SYNE2: variants seen among roughly 807,000 people sequenced by gnomAD.
The protein encoded by SYNE2 is nesprin-2.
SYNE2 carries 431 observed loss-of-function variants against 856.3 expected under a neutral mutation model. The ratio of observed to expected loss-of-function variants is 0.50; its 90% confidence interval spans 0.47 to 0.55. The LOEUF is 0.55. SYNE2 is among the 20% of genes least tolerant of loss of function. The pLI, the probability that SYNE2 is intolerant of heterozygous loss-of-function variation, is 0.00. For missense variants in SYNE2, 8,129 were observed against 8,023.2 expected, an observed-to-expected ratio of 1.01 and a Z score of -0.50; for synonymous variants, 2,923 against 2,872.3, an observed-to-expected ratio of 1.02 and a Z score of -0.56.
intron 1 of SYNE2, among the ~76,000 whole-genome samples, chr14:63,864,165 A>G (rs1453408213): frequency 6.6e-6 from 1 of 152,210 alleles, no homozygotes; most frequent in Non-Finnish European, 1.5e-5. Flanking sequence ...ATAGGTTACT[A>G]AGCTTGCTCT....
intron 104 of SYNE2, 88 bp downstream of exon 104, chr14:64,212,186 T>A (rs2098645162): frequency 1.3e-6 from 2 of 1,597,972 alleles, no homozygotes; most frequent in Middle Eastern, 2.2e-4. Flanking sequence ...CACGATACTC[T>A]GAGAGCAAAT....
chr14:64,063,299 C>T (rs557274314), intron 50 of SYNE2, among the ~76,000 whole-genome samples: 25 of 152,330 alleles, frequency 1.6e-4, no homozygotes, highest in African/African-American at 4.3e-4. Context: ...CCTCCAGCCT[C>T]GGCCTTTCAA....
chr14:63,850,245 CT>C (rs34763098), upstream of SYNE2, among the ~76,000 whole-genome samples: 9,323 of 112,486 alleles, frequency 0.083, 389 homozygotes, highest in African/African-American at 0.14. Context: ...CCACACCTAG[CT>C]TTTTTTTTTT....
At chr14:63,948,794 A>ATATATGTATATGTGTGTGTG (rs1566884813) in intron 6 of SYNE2, among the ~76,000 whole-genome samples, 3 of 80,844 alleles carry the variant, frequency 3.7e-5, no homozygotes, top group South Asian at 8.9e-4. Flanking sequence ...ATATATATAT[A>ATATATGTATATGTGTGTGTG]TATATATATA....
At chr14:63,848,216 C>A (rs1890295898), upstream of SYNE2, 1 of 152,152 alleles carries the variant, frequency 6.6e-6, no homozygotes, top group Admixed American at 6.6e-5. Context: ...GTAAACTTTA[C>A]CATATATCAT....
intron 1 of SYNE2, among the ~76,000 whole-genome samples, chr14:63,884,393 C>T (rs944486720): frequency 6.6e-5 from 10 of 152,126 alleles, no homozygotes; most frequent in Admixed American, 5.2e-4. Context: ...ACTCCTTGCA[C>T]GTCTGCTTGG....
At chr14:63,777,946 G>T (rs1887168595) in intron 1 of SYNE2, among the ~76,000 whole-genome samples, 2 of 152,120 alleles carry the variant, frequency 1.3e-5, no homozygotes, top group Non-Finnish European at 2.9e-5. Context: ...GGGATTACAG[G>T]CATGAATCAC....
chr14:64,096,025 A>G (rs909835445), intron 61 of SYNE2, among the ~76,000 whole-genome samples: 9 of 152,186 alleles, frequency 5.9e-5, no homozygotes, highest in Non-Finnish European at 1.3e-4. Context: ...AGGAAGATGT[A>G]GTCTTCAATG....
In SYNE2 at chr14:64,143,964, A is replaced by C; in HGVS notation, c.15483+16A>C. ...GAATAGAAAGGTGTGTTCCTGCGTCACAACTGGATGTGTGGTTTGACCTTT... is the reference window on the plus strand; with the variant it reads ...GAATAGAAAGGTGTGTTCCTGCGTCCCAACTGGATGTGTGGTTTGACCTTT... On this transcript the variant is annotated intron_variant, in intron 83 of 115. Coordinates refer to ENST00000555002, the MANE Select transcript of SYNE2 (RefSeq NM_182914.3). 6.2e-7 allele frequency: 1 copy of C among 1,614,070 alleles called. No individual in the cohort carries two copies. Among genetic ancestry groups the C allele is most frequent in the Non-Finnish European group, 8.5e-7 (1 of 1,179,924 alleles).
intron 11 of SYNE2, among the ~76,000 whole-genome samples, chr14:63,973,840 T>G (rs2096503463): frequency 6.6e-6 from 1 of 152,170 alleles, no homozygotes; most frequent in Non-Finnish European, 1.5e-5. Context: ...TTAAATATCT[T>G]TTAGATATTT....
chr14:64,102,041 A>G lies in SYNE2; in HGVS notation c.12491A>G (p.Gln4164Arg). The G allele has an allele frequency of 6.2e-7, 1 of 1,609,906 alleles. No individual in the cohort carries two copies. The highest frequency in any genetic ancestry group is 8.5e-7 in the Non-Finnish European group (1 of 1,176,194). The change falls in exon 64 of 116, where the codon CAG becomes CGG. Residue 4164 changes from glutamine to arginine, a missense_variant and splice_region_variant. By Grantham distance (43) the Gln-to-Arg change is conservative. This residue lies in a region of SYNE2 where 5,410 missense variants were observed against 5,284.8 expected (regional missense o/e 1.02). Transcript: ENST00000555002. ...RASSSSGTIV[Q>R]EAYGKISTSD... ...TCCTCATCCTCTGGAACAATTGTTC[A>G]GGTAATGCTGGGCGTATCAGCCACG...
intron 1 of SYNE2, among the ~76,000 whole-genome samples, chr14:63,794,261 C>A (rs913479990): frequency 6.6e-6 from 1 of 152,040 alleles, no homozygotes; most frequent in Non-Finnish European, 1.5e-5. Flanking sequence ...CATTCTCGTG[C>A]CCCAGGCTGG....
chr14:63,831,211 A>T (rs1595154293), intron 1 of SYNE2, among the ~76,000 whole-genome samples: 1 of 152,032 alleles, frequency 6.6e-6, no homozygotes, highest in African/African-American at 2.4e-5. Context: ...GTGTTTTTTC[A>T]GGAAGAGTTA....
At chr14:63,929,799 G>A (rs2095723261) in intron 2 of SYNE2, among the ~76,000 whole-genome samples, 1 of 151,048 alleles carries the variant, frequency 6.6e-6, no homozygotes, top group African/African-American at 2.4e-5. Context: ...TTTTTTCTCT[G>A]TAGAGATATT....
rs1555337807 is a variant in SYNE2 at position 63,781,668 on chromosome 14, C to CTCTATA, written c.-305+19683_-305+19684insCTATAT. Among the ~76,000 whole-genome samples the CTCTATA allele has an allele frequency of 5.6e-4, 84 of 149,694 alleles. 2 individuals carry two copies. The Middle Eastern group carries it at 0.01, about 18-fold the overall frequency. On this transcript the variant is annotated intron_variant, in intron 1 of 23. Transcript: ENST00000674003. ...GATGGACCTTAGGCCTTCTCTCTCT[C>CTCTATA]TATATATATATAAAGTTATATTTAT...
chr14:63,814,604 TATAG>T (rs1472302216), intron 1 of SYNE2, among the ~76,000 whole-genome samples: 1 of 137,500 alleles, frequency 7.3e-6, no homozygotes, highest in African/African-American at 2.6e-5. Context: ...TAGATCCTTA[TATAG>T]ATCCATATAT....
rs140438532 is a variant in SYNE2 at position 63,942,248 on chromosome 14, A to G, written c.408+105A>G. On this transcript the variant is annotated intron_variant, in intron 6 of 115. Coordinates refer to ENST00000555002, the MANE Select transcript of SYNE2 (RefSeq NM_182914.3). ...CTAGATTCAGTCCTGAGCTTCTCCT[A>G]TAAATAGGACCTCTGAAAATCTTGA... 1.5e-4 allele frequency: 111 copies of G among 751,356 alleles called. No individual in the cohort carries two copies. In the East Asian group the frequency reaches 2.6e-3, roughly 18 times the overall value. The allele number at this position is 751,356 out of a possible 1,614,324, so 46.5% of individuals were successfully genotyped here. A position where few individuals can be genotyped will look rare whatever the true frequency, so the allele number is the denominator to read the frequency against.
chr14:64,199,203 T>C (rs2098551572), intron 99 of SYNE2, among the ~76,000 whole-genome samples: 1 of 152,206 alleles, frequency 6.6e-6, no homozygotes, highest in African/African-American at 2.4e-5. Context: ...CTTCTGGTCA[T>C]GTTCTCTGAC....
Position 63,942,136 on chromosome 14 carries a change from A to G in SYNE2, c.401A>G (p.His134Arg). The change falls in exon 6 of 116, where the codon CAC becomes CGC. Residue 134 changes from histidine to arginine, a missense_variant. This residue lies in a region of SYNE2 where 2,422 missense variants were observed against 2,357.4 expected (regional missense o/e 1.03). Transcript: ENST00000555002. ...ILGLIWTIIL[H>R]FHIEKLAQTL... ...GGCCTAATTTGGACAATTATCCTGCACTTTCATGTAAGTAGTTTGATGATA... is the reference window on the plus strand; with the variant it reads ...GGCCTAATTTGGACAATTATCCTGCGCTTTCATGTAAGTAGTTTGATGATA... 6.3e-7 allele frequency: 1 copy of G among 1,575,382 alleles called. No individual in the cohort carries two copies. The highest frequency in any genetic ancestry group is 8.7e-7 in the Non-Finnish European group (1 of 1,146,328).
Sources: gnomAD v4.1 joint callset for allele counts (sites outside exome capture counted in the v4.1 genomes callset) on GRCh38, gnomAD v4.1.1 for gene constraint, gnomAD v4.1.1 regional missense constraint, MANE v1.5 for transcripts, NCBI Gene and HGNC (gene_info 2026-07-23, HGNC 2026-07-21) for gene names.